Variants in ZNF683 observed in about 807,000 individuals in gnomAD.
ZNF683 encodes the protein zinc finger protein 683, also known as tissue-resident T-cell transcription regulator protein ZNF683.
ZNF683 carries 20 observed loss-of-function variants against 31.4 expected under a neutral mutation model. That is an observed-to-expected ratio of 0.64 (90% CI 0.45 to 0.93). ZNF683 has a LOEUF of 0.93. ZNF683 is among the 40% of genes least tolerant of loss of function. ZNF683 has a pLI of 0.00. For missense variants in ZNF683, 621 were observed against 637.2 expected, an observed-to-expected ratio of 0.97 and a Z score of 0.27; for synonymous variants, 264 against 267.6, an observed-to-expected ratio of 0.99 and a Z score of 0.13.
chr1:26,361,950 A>G lies in ZNF683; in HGVS notation c.1216T>C (p.Phe406Leu), dbSNP rs2074395221. Reference sequence around the variant, plus strand: ...CGACTCCGGCAGACACTGCACTGGAAGGGCCGGGCCCCGGAGTGCAGGCGC... The same window carrying G: ...CGACTCCGGCAGACACTGCACTGGAGGGGCCGGGCCCCGGAGTGCAGGCGC... ...HLRLHSGARP[F>L]QCSVCRSRFT... The change falls in exon 6 of 6, where the codon TTC (phenylalanine) becomes CTC (leucine). Residue 406 changes from phenylalanine (F) to leucine (L), a missense_variant. Coordinates refer to ENST00000349618, the MANE Select transcript of ZNF683 (RefSeq NM_001114759.3). 6.2e-7 allele frequency: 1 copy of G among 1,613,894 alleles called. No individual in the cohort carries two copies. Among genetic ancestry groups the G allele is most frequent in the Admixed American group, 1.7e-5 (1 of 59,998 alleles).
At chr1:26,368,806 G>A (rs1168905348) in intron 1 of ZNF683, among the ~76,000 whole-genome samples, 1 of 152,220 alleles carries the variant, frequency 6.6e-6, no homozygotes, top group Admixed American at 6.5e-5. Context: ...CTCCTGGTGG[G>A]TGTGGGAAGA....
intron 4 of ZNF683, 90 bp from the exon 5 acceptor site, chr1:26,363,244 C>A: frequency 6.8e-7 from 1 of 1,462,328 alleles, no homozygotes; most frequent in Non-Finnish European, 9.2e-7. Flanking sequence ...ACTTCTCTCT[C>A]CCTCCCCGTC....
chr1:26,374,343 A>G (rs1344306465), upstream of ZNF683: 3 of 1,300,544 alleles, frequency 2.3e-6, no homozygotes, highest in African/African-American at 1.5e-5. Flanking sequence ...CTCTCAGAAC[A>G]CTTTGCACAA....
chr1:26,361,709 G>A lies in ZNF683; in HGVS notation c.1457C>T (p.Ala486Val). 2 of 1,614,058 alleles carry A rather than the reference G, an allele frequency of 1.2e-6. No homozygotes were observed. The highest frequency in any genetic ancestry group is 1.7e-6 in the Non-Finnish European group (2 of 1,179,902). Residue 486 changes from alanine (A) to valine (V), a missense_variant, in exon 6 of 6, where the codon GCA becomes GTA. Coordinates refer to ENST00000349618, the MANE Select transcript of ZNF683 (RefSeq NM_001114759.3). ...AGTCCCGGCACTGCTCAGGCTCACT[G>A]CTCTTGCTTTCCCCTGGGATGTCGA... ...VSSTSQGKAR[A>V]VSLSSAGTPL...
rs1028952202 is a variant in ZNF683 at position 26,365,046 on chromosome 1, G to A, written c.500C>T (p.Pro167Leu). ...ACAGGGGCAGAAAGCCAAGGGGCTGGGGCTCTTTCTGTTCTGCAGCGGTGG... is the reference window on the plus strand; with the variant it reads ...ACAGGGGCAGAAAGCCAAGGGGCTGAGGCTCTTTCTGTTCTGCAGCGGTGG... ...SPPPLQNRKSPSPLAFCPCPP... is the reference protein window; with the variant it reads ...SPPPLQNRKSLSPLAFCPCPP... The change falls in exon 4 of 6, where the codon CCC becomes CTC. Residue 167 changes from proline to leucine, a missense_variant. Transcript: ENST00000349618. 2 of 1,602,002 alleles carry A rather than the reference G, an allele frequency of 1.2e-6. No individual in the cohort carries two copies. Among genetic ancestry groups the A allele is most frequent in the Admixed American group, 1.7e-5 (1 of 57,716 alleles).
In ZNF683 at chr1:26,364,708, G is replaced by C. The variant is rs370441607; in HGVS notation, c.838C>G (p.Pro280Ala). The C allele has an allele frequency of 5.6e-6, 9 of 1,613,794 alleles. No individual in the cohort carries two copies. The African/African-American group carries it at 6.7e-5, about 12-fold the overall frequency. ...CGCTCCAGGCCTGGGGAGTCGGTTG[G>C]GGCAGCTCCAGCACCTGGATTTCGG... Reference protein sequence around the residue: ...QARNPGAGAAPTDSPGLERGG... With the variant: ...QARNPGAGAAATDSPGLERGG... The change falls in exon 4 of 6, where the codon CCA becomes GCA. Residue 280 changes from proline (P) to alanine (A), a missense_variant. Pro to Ala is a conservative substitution (Grantham distance 27). Coordinates refer to ENST00000349618, the MANE Select transcript of ZNF683 (RefSeq NM_001114759.3).
At chr1:26,367,867 C>T (rs935019927) in intron 2 of ZNF683, 70 bp from the exon 3 acceptor site, 2 of 1,284,866 alleles carry the variant, frequency 1.6e-6, no homozygotes, top group Admixed American at 6.0e-5. Flanking sequence ...ATGGCCCCTA[C>T]CCCTATTTTG....
chr1:26,362,525 G>T (rs1302426516), intron 5 of ZNF683, among the ~76,000 whole-genome samples: 1 of 152,156 alleles, frequency 6.6e-6, no homozygotes, highest in African/African-American at 2.4e-5. Flanking sequence ...ACTAGCCAAA[G>T]GTCACACAGC....
In ZNF683 at chr1:26,364,642, A is replaced by G; in HGVS notation, c.904T>C (p.Ser302Pro). ...GGCAAGGCTGCGGTGCCTGTCTGGGAACTCAATGGGACCCGCTTTGCTGGA... is the reference window on the plus strand; with the variant it reads ...GGCAAGGCTGCGGTGCCTGTCTGGGGACTCAATGGGACCCGCTTTGCTGGA... ...ASPAKRVPLS[S>P]QTGTAALPYP... The change falls in exon 4 of 6, where the codon TCC (serine) becomes CCC (proline). Residue 302 changes from serine to proline, a missense_variant. By Grantham distance (74) the Ser-to-Pro change is moderately conservative. Coordinates refer to ENST00000349618, the MANE Select transcript of ZNF683 (RefSeq NM_001114759.3). The G allele has an allele frequency of 1.2e-6, 2 of 1,613,928 alleles. No individual in the cohort carries two copies. The highest frequency in any genetic ancestry group is 1.1e-5 in the South Asian group (1 of 91,070).
Position 26,368,647 on chromosome 1 carries a change from A to G in ZNF683, c.-14-62T>C, listed in dbSNP as rs115231547. On this transcript the variant is annotated intron_variant, in intron 1 of 5. Coordinates refer to ENST00000349618, the MANE Select transcript of ZNF683 (RefSeq NM_001114759.3). ...TCCTCCAAATAGGAGTCTGAGTTCT[A>G]GGACTGGCTCTCCCATTAACATGCT... is the stretch of plus-strand genomic sequence containing the variant. The G allele has an allele frequency of 1.6e-3, 2,397 of 1,488,240 alleles. 36 individuals are homozygous for G. The African/African-American group carries it at 0.03, about 19-fold the overall frequency. The allele number at this position is 1,488,240 out of a possible 1,614,324, so 92.2% of individuals were successfully genotyped here.
rs999793009 is a variant in ZNF683 at position 26,361,752 on chromosome 1, C to T, written c.1414G>A (p.Asp472Asn). The T allele has an allele frequency of 1.2e-6, 2 of 1,613,936 alleles. No homozygotes were observed. Among genetic ancestry groups the T allele is most frequent in the Non-Finnish European group, 1.7e-6 (2 of 1,179,910 alleles). The part of the protein sequence containing the change: ...ASEKHMGYDI[D>N]EVKVSSTSQG... ...GATGTCGAGGACACTTTGACCTCAT[C>T]TATGTCATAGCCCATGTGTTTCTCA... The change falls in exon 6 of 6, where the codon GAT becomes AAT. Residue 472 changes from aspartate (D) to asparagine (N), a missense_variant. Asp to Asn is a conservative substitution (Grantham distance 23). Transcript: ENST00000349618.
intron 3 of ZNF683, among the ~76,000 whole-genome samples, chr1:26,367,329 T>C (rs1283042418): frequency 6.6e-6 from 1 of 152,026 alleles, no homozygotes; most frequent in African/African-American, 2.4e-5. Context: ...CCAACCCCCA[T>C]GACCTTGGCT....
chr1:26,366,577 C>T (rs1382466155), intron 3 of ZNF683, among the ~76,000 whole-genome samples: 1 of 152,064 alleles, frequency 6.6e-6, no homozygotes, highest in Non-Finnish European at 1.5e-5. Context: ...GATGAAGAAA[C>T]CAGACCTTGG....
upstream of ZNF683, chr1:26,372,802 C>G: frequency 8.4e-7 from 1 of 1,189,282 alleles, no homozygotes; most frequent in South Asian, 1.6e-5. Context: ...AGTGACATCA[C>G]ATTTAGGCCT....
At chr1:26,366,742 G>A (rs1298952241) in intron 3 of ZNF683, among the ~76,000 whole-genome samples, 16 of 152,140 alleles carry the variant, frequency 1.1e-4, no homozygotes, top group South Asian at 2.1e-4. Context: ...TGCAAGCTCC[G>A]CCTCCCAGGT....
In ZNF683 at chr1:26,363,169, G is replaced by A. The variant is rs1368494749; in HGVS notation, c.1015-15C>T. The A allele has an allele frequency of 6.3e-7, 1 of 1,595,324 alleles. No homozygotes were observed. The highest frequency in any genetic ancestry group is 1.3e-5 in the African/African-American group (1 of 74,606). The stretch of plus-strand genomic sequence containing the variant: ...CGCAGGTGGACCTGAGTCAGATGCG[G>A]GATAAATGCTGCCAACTGCCCAGCA... On this transcript the variant is annotated splice_polypyrimidine_tract_variant and intron_variant, in intron 4 of 5. Transcript: ENST00000349618.
intron 2 of ZNF683, among the ~76,000 whole-genome samples, chr1:26,368,051 C>T (rs952918723): frequency 1.3e-5 from 2 of 152,188 alleles, no homozygotes; most frequent in African/African-American, 4.8e-5. Flanking sequence ...CTCCCTGCCC[C>T]GAACCCATGT....
At position 26,364,935 on chromosome 1, in the gene ZNF683, T is replaced by TG; in HGVS notation, c.610dup (p.His204ProfsTer11). On this transcript the variant is annotated frameshift_variant, in exon 4 of 6. Coordinates refer to ENST00000349618, the MANE Select transcript of ZNF683 (RefSeq NM_001114759.3). LOFTEE classifies it high-confidence loss of function. ...AGGTAGGGCCCCATAGGTGAACAGG[T>TG]GGGGTGGAGGCAGGAGAAGTGGGTA... The TG allele has an allele frequency of 6.4e-7, 1 of 1,552,416 alleles. No homozygotes were observed. The highest frequency in any genetic ancestry group is 1.3e-5 in the South Asian group (1 of 79,564).
intron 5 of ZNF683, 34 bp downstream of exon 5, chr1:26,362,992 A>C: frequency 1.3e-6 from 2 of 1,585,676 alleles, no homozygotes; most frequent in Non-Finnish European, 1.7e-6. Flanking sequence ...TCTCCAGCCT[A>C]TAGGAGTACA....
Sources: allele counts gnomAD v4.1 joint callset (sites outside exome capture counted in the v4.1 genomes callset), GRCh38; gene constraint gnomAD v4.1.1; transcripts MANE v1.5; gene names NCBI Gene and HGNC (gene_info 2026-07-23, HGNC 2026-07-21).